The following MDFIC variants were observed in gnomAD, a reference collection of about 807,000 sequenced individuals.
MDFIC encodes myoD family inhibitor domain-containing protein.
A neutral mutation model predicts 23.2 loss-of-function variants in MDFIC; 17 were observed. That is an observed-to-expected ratio of 0.73 (90% confidence interval 0.50 to 1.10). MDFIC has a LOEUF of 1.10. MDFIC is among the 50% of genes least tolerant of loss of function. The probability of loss-of-function intolerance (pLI) is 0.00; values close to 1 mark genes in which losing one functional copy is unlikely to be tolerated. For synonymous variants in MDFIC, 120 were observed against 115.2 expected, an observed-to-expected ratio of 1.04 and a Z score of -0.27; for missense variants, 356 against 316.6, an observed-to-expected ratio of 1.12 and a Z score of -0.95.
Position 115,019,765 on chromosome 7 carries a change from T to C in MDFIC, c.*3830T>C, listed in dbSNP as rs114425978. ...TCTTTTGCACTAATACAACAGAACA[T>C]ATCATTTTTGTTTTAAACAATGGTT... On this transcript the variant is annotated 3_prime_UTR_variant, in exon 5 of 5. Transcript: ENST00000393486. Among the ~76,000 whole-genome samples, 77 of 152,238 alleles carry C rather than the reference T, an allele frequency of 5.1e-4. No individual in the cohort carries two copies. Among genetic ancestry groups the C allele is most frequent in the African/African-American group, 1.8e-3 (74 of 41,560 alleles).
intron 3 of MDFIC, among the ~76,000 whole-genome samples, chr7:114,971,192 C>T (rs1235306086): frequency 6.6e-6 from 1 of 152,118 alleles, no homozygotes; most frequent in African/African-American, 2.4e-5. Flanking sequence ...TGCAGAGTAC[C>T]ATGAAGATCC....
chr7:114,962,602 G>T lies in MDFIC; in HGVS notation c.218-16904G>T, dbSNP rs560640513. ...GGAGACATAAGAATCTCTGGAGGAG[G>T]AGTCTGTTTTTTTTGAACCACACAG... On this transcript the variant is annotated intron_variant, in intron 3 of 4. Transcript: ENST00000393486. Among the ~76,000 whole-genome samples the T allele has an allele frequency of 5.3e-5, 8 of 152,280 alleles. 1 individual carries two copies. The highest frequency in any genetic ancestry group is 1.9e-4 in the African/African-American group (8 of 41,558).
intron 3 of MDFIC, among the ~76,000 whole-genome samples, chr7:114,972,739 C>T (rs1196689384): frequency 3.9e-5 from 6 of 152,144 alleles, no homozygotes; most frequent in Admixed American, 2.6e-4. Context: ...AGCCATCCTC[C>T]CACTGTAGCC....
Position 114,981,489 on chromosome 7 carries a change from T to G in MDFIC, c.493+1708T>G, listed in dbSNP as rs546285953. 4.6e-5 allele frequency among the ~76,000 whole-genome samples: 7 copies of G among 152,226 alleles called. 2 individuals carry two copies. The South Asian group carries it at 1.5e-3, about 32-fold the overall frequency. On this transcript the variant is annotated intron_variant, in intron 4 of 4. Coordinates refer to ENST00000393486, the MANE Select transcript of MDFIC (RefSeq NM_001166345.3). The stretch of plus-strand genomic sequence containing the variant: ...CTTCTCCTTTATTCTCCCCCTTCCC[T>G]CCCTCTTTTACTTTTTCTTTCTCTT...
At chr7:114,975,424 T>C (rs1793291528) in intron 3 of MDFIC, among the ~76,000 whole-genome samples, 1 of 152,090 alleles carries the variant, frequency 6.6e-6, no homozygotes, top group African/African-American at 2.4e-5. Flanking sequence ...GGTCTACTTT[T>C]GAGAGCTGTC....
intron 2 of MDFIC, among the ~76,000 whole-genome samples, chr7:114,925,169 T>C (rs1792164989): frequency 6.6e-6 from 1 of 152,106 alleles, no homozygotes; most frequent in Non-Finnish European, 1.5e-5. Flanking sequence ...AAGGATATGA[T>C]CAAGTCTACC....
chr7:115,002,855 C>G (rs748196311), intron 4 of MDFIC, among the ~76,000 whole-genome samples: 2 of 152,166 alleles, frequency 1.3e-5, no homozygotes, highest in Non-Finnish European at 2.9e-5. Flanking sequence ...GAACATATGT[C>G]AGTCTTTTCT....
intron 3 of MDFIC, among the ~76,000 whole-genome samples, chr7:114,957,836 T>C (rs571010962): frequency 4.6e-5 from 7 of 152,322 alleles, no homozygotes; most frequent in African/African-American, 1.4e-4. Context: ...CAAATATTTA[T>C]AGGCCTGCTA....
At chr7:114,961,598 A>G (rs1194479598) in intron 3 of MDFIC, among the ~76,000 whole-genome samples, 4 of 152,168 alleles carry the variant, frequency 2.6e-5, no homozygotes, top group Non-Finnish European at 5.9e-5. Context: ...TTTCTCATGC[A>G]TATGCATGCT....
chr7:114,989,300 A>G (rs1197336484), intron 4 of MDFIC, among the ~76,000 whole-genome samples: 2 of 152,214 alleles, frequency 1.3e-5, no homozygotes, highest in African/African-American at 4.8e-5. Context: ...GACAACATGG[A>G]CATCATTTAG....
intron 1 of MDFIC, 125 bp downstream of exon 1, chr7:114,922,761 C>T (rs927966946): frequency 7.9e-7 from 1 of 1,261,126 alleles, no homozygotes; most frequent in Non-Finnish European, 1.0e-6. Context: ...GGGACCCCGC[C>T]GCTGTCAACT....
intron 4 of MDFIC, among the ~76,000 whole-genome samples, chr7:114,999,338 C>T (rs2709515): frequency 0.99 from 150,568 of 151,998 alleles, 74,588 homozygotes; most frequent in Middle Eastern, 1. Context: ...AACAATGATT[C>T]TTTTTTTCTA....
chr7:114,965,653 G>A (rs1793080702), intron 3 of MDFIC, among the ~76,000 whole-genome samples: 1 of 152,188 alleles, frequency 6.6e-6, no homozygotes, highest in South Asian at 2.1e-4. Context: ...GGGATGAGCA[G>A]GGACGGGCCA....
At chr7:114,928,642 C>T (rs958625102) in intron 2 of MDFIC, among the ~76,000 whole-genome samples, 2 of 152,164 alleles carry the variant, frequency 1.3e-5, no homozygotes, top group Non-Finnish European at 2.9e-5. Context: ...AAGTCAGTTT[C>T]AGGAGGGCCC....
chr7:114,965,519 A>G (rs1461637188), intron 3 of MDFIC, among the ~76,000 whole-genome samples: 1 of 152,192 alleles, frequency 6.6e-6, no homozygotes, highest in African/African-American at 2.4e-5. Flanking sequence ...TGAGGACTTA[A>G]ACTGATGTTG....
intron 4 of MDFIC, among the ~76,000 whole-genome samples, chr7:114,991,651 C>G (rs1354247295): frequency 2.6e-5 from 4 of 152,146 alleles, no homozygotes; most frequent in East Asian, 3.9e-4. Flanking sequence ...TCAAAGATCA[C>G]ATGGTTGTAG....
chr7:114,958,860 A>G (rs1250038612), intron 3 of MDFIC, among the ~76,000 whole-genome samples: 1 of 152,172 alleles, frequency 6.6e-6, no homozygotes, highest in Non-Finnish European at 1.5e-5. Flanking sequence ...CTCATTTATT[A>G]TCTTCCTCCG....
intron 4 of MDFIC, among the ~76,000 whole-genome samples, chr7:114,992,809 T>C (rs1274086905): frequency 6.6e-6 from 1 of 152,228 alleles, no homozygotes; most frequent in Admixed American, 6.5e-5. Flanking sequence ...TCTAAAATTC[T>C]CTTTTTTCGT....
At chr7:115,000,299 T>C (rs1444591421) in intron 4 of MDFIC, among the ~76,000 whole-genome samples, 1 of 152,146 alleles carries the variant, frequency 6.6e-6, no homozygotes, top group East Asian at 1.9e-4. Flanking sequence ...AAGTATGTCA[T>C]TGACTATACC....
Sources: allele counts gnomAD v4.1 joint callset (sites outside exome capture counted in the v4.1 genomes callset), GRCh38; gene constraint gnomAD v4.1.1; transcripts MANE v1.5; gene names NCBI Gene and HGNC (gene_info 2026-07-23, HGNC 2026-07-21).